CCDC148: variants seen among roughly 807,000 people sequenced by gnomAD.
CCDC148 encodes coiled-coil domain-containing protein 148.
A neutral mutation model predicts 85.7 loss-of-function variants in CCDC148; 89 were observed. The observed-to-expected ratio is 1.04, with a 90% CI of 0.87 to 1.24. The LOEUF is 1.24. CCDC148 is among the 50% of genes most tolerant of loss of function. The pLI, the probability that CCDC148 is intolerant of heterozygous loss-of-function variation, is 0.00. For missense variants in CCDC148, 692 were observed against 671.7 expected (o/e 1.03, Z -0.33); for synonymous variants, 230 against 213.9 (o/e 1.08, Z -0.66).
chr2:158,281,017 C>T (rs1690262142), intron 9 of CCDC148, among the ~76,000 whole-genome samples: 1 of 152,190 alleles, frequency 6.6e-6, no homozygotes, highest in Admixed American at 6.5e-5. Flanking sequence ...CAACCTGCTC[C>T]TGATTGATTA....
chr2:158,432,488 AATGTAG>A (rs1687401323), intron 1 of CCDC148, among the ~76,000 whole-genome samples: 1 of 152,300 alleles, frequency 6.6e-6, no homozygotes, highest in African/African-American at 2.4e-5. Context: ...AAAATTCAAC[AATGTAG>A]ATGTAATGTC....
intron 9 of CCDC148, among the ~76,000 whole-genome samples, chr2:158,302,484 C>A (rs2105200756): frequency 6.6e-6 from 1 of 152,136 alleles, no homozygotes; most frequent in East Asian, 1.9e-4. Flanking sequence ...AGCATGGAAG[C>A]AAAGAAAGAC....
At chr2:158,226,691 C>A (rs1687549685) in intron 10 of CCDC148, among the ~76,000 whole-genome samples, 1 of 152,138 alleles carries the variant, frequency 6.6e-6, no homozygotes, top group South Asian at 2.1e-4. Context: ...ATAAACAGAA[C>A]CAACGACAAA....
At chr2:158,208,538 T>C (rs920933066) in intron 11 of CCDC148, among the ~76,000 whole-genome samples, 4 of 151,986 alleles carry the variant, frequency 2.6e-5, no homozygotes, top group Admixed American at 2.0e-4. Flanking sequence ...GTTAGGGCCC[T>C]GGGCAGGGTG....
At position 158,177,261 on chromosome 2, in the gene CCDC148, C is replaced by T. The variant is rs1366192851; in HGVS notation, c.1489-600G>A. Reference sequence around the variant, plus strand: ...TTGCAAAGTCATTTTAACCCAAATGCCCTTGTCTTTTATAATTCAAACCTG... The same window carrying T: ...TTGCAAAGTCATTTTAACCCAAATGTCCTTGTCTTTTATAATTCAAACCTG... On this transcript the variant is annotated intron_variant, in intron 12 of 13. Coordinates refer to ENST00000283233, the MANE Select transcript of CCDC148 (RefSeq NM_138803.4). Among the ~76,000 whole-genome samples, 7 of 151,832 alleles carry T rather than the reference C, an allele frequency of 4.6e-5. No homozygotes were observed. In the Admixed American group the frequency reaches 4.6e-4, roughly 10 times the overall value.
At chr2:158,286,170 A>G (rs116504277) in intron 9 of CCDC148, among the ~76,000 whole-genome samples, 10,828 of 152,234 alleles carry the variant, frequency 0.071, 535 homozygotes, top group South Asian at 0.11. Context: ...AATAAGACAC[A>G]GTTTTTTTAA....
At chr2:158,450,681 GT>G (rs1688371051) in intron 1 of CCDC148, among the ~76,000 whole-genome samples, 1 of 151,986 alleles carries the variant, frequency 6.6e-6, no homozygotes, top group Non-Finnish European at 1.5e-5. Flanking sequence ...TAATTTTACT[GT>G]GATTCCCTTG....
chr2:158,299,491 T>C (rs1449500244), intron 9 of CCDC148, among the ~76,000 whole-genome samples: 2 of 152,226 alleles, frequency 1.3e-5, no homozygotes, highest in African/African-American at 4.8e-5. Context: ...GCTTAGGCTG[T>C]TTCTATCCAC....
chr2:158,423,973 T>C (rs192116859), intron 1 of CCDC148, among the ~76,000 whole-genome samples: 45 of 152,292 alleles, frequency 3.0e-4, no homozygotes, highest in African/African-American at 1.0e-3. Flanking sequence ...AAAATGCTCA[T>C]CATCACTGGC....
intron 1 of CCDC148, among the ~76,000 whole-genome samples, chr2:158,421,809 T>C (rs1396393753): frequency 6.6e-6 from 1 of 151,968 alleles, no homozygotes; most frequent in African/African-American, 2.4e-5. Flanking sequence ...AGCTGGTTTG[T>C]TGAAAAGATC....
chr2:158,301,934 G>C (rs1691462593), intron 9 of CCDC148, among the ~76,000 whole-genome samples: 2 of 152,200 alleles, frequency 1.3e-5, no homozygotes, highest in African/African-American at 4.8e-5. Flanking sequence ...AGTAGAGCTA[G>C]GGACTGCCCA....
intron 1 of CCDC148, among the ~76,000 whole-genome samples, chr2:158,390,122 G>A (rs1344178344): frequency 6.6e-6 from 1 of 152,140 alleles, no homozygotes; most frequent in Non-Finnish European, 1.5e-5. Context: ...TAAAATAACT[G>A]CCTTTTGTCC....
intron 8 of CCDC148, among the ~76,000 whole-genome samples, chr2:158,311,460 G>A (rs1692013974): frequency 6.6e-6 from 1 of 152,208 alleles, no homozygotes; most frequent in Admixed American, 6.5e-5. Flanking sequence ...ACTGTGGAAA[G>A]CGGGAGATGG....
At chr2:158,294,489 A>G (rs570491429) in intron 9 of CCDC148, among the ~76,000 whole-genome samples, 1 of 152,312 alleles carries the variant, frequency 6.6e-6, no homozygotes. Context: ...GTTTAATAGT[A>G]TAAGGAACTG....
chr2:158,340,600 A>T lies in CCDC148; in HGVS notation c.332T>A (p.Phe111Tyr). The T allele has an allele frequency of 6.3e-7, 1 of 1,577,338 alleles. No individual in the cohort carries two copies. Among genetic ancestry groups the T allele is most frequent in the Non-Finnish European group, 8.6e-7 (1 of 1,160,780 alleles). ...GNECLCDLTN[F>Y]EQELSEQQCT... is the part of the protein sequence containing the mutation. ...ATATAGGATCAAAAAAATCTTACCA[A>T]AATTTGTAAGGTCACAAAGACATTC... is the stretch of plus-strand genomic sequence containing the variant. Residue 111 changes from phenylalanine to tyrosine, a missense_variant and splice_region_variant, in exon 4 of 14, where the codon TTT becomes TAT. By Grantham distance (22) the Phe-to-Tyr change is conservative. Coordinates refer to ENST00000283233, the MANE Select transcript of CCDC148 (RefSeq NM_138803.4).
intron 11 of CCDC148, among the ~76,000 whole-genome samples, chr2:158,192,246 G>C (rs1408724162): frequency 6.6e-6 from 1 of 152,042 alleles, no homozygotes; most frequent in Non-Finnish European, 1.5e-5. Flanking sequence ...CATTAAGCTA[G>C]AGATGTCCAT....
intron 9 of CCDC148, among the ~76,000 whole-genome samples, chr2:158,298,327 T>G (rs944005534): frequency 9.8e-6 from 1 of 102,486 alleles, no homozygotes; most frequent in Non-Finnish European, 2.6e-5. Flanking sequence ...CTAGGTGTGG[T>G]TTTTTTTTGG....
intron 9 of CCDC148, 134 bp from the exon 10 acceptor site, chr2:158,251,046 A>C: frequency 5.4e-6 from 4 of 735,794 alleles, no homozygotes; most frequent in Non-Finnish European, 8.4e-6. Flanking sequence ...CTATGTGCAC[A>C]TGACTGTGTG....
intron 11 of CCDC148, 49 bp from the exon 12 acceptor site, chr2:158,179,045 G>T: frequency 7.1e-7 from 1 of 1,417,806 alleles, no homozygotes. Flanking sequence ...TAATAATATT[G>T]GAGATTGTAC....
Sources: gnomAD v4.1 joint callset for allele counts (sites outside exome capture counted in the v4.1 genomes callset) on GRCh38, gnomAD v4.1.1 for gene constraint, MANE v1.5 for transcripts, NCBI Gene and HGNC (gene_info 2026-07-23, HGNC 2026-07-21) for gene names.